The following INSR variants were observed in gnomAD, a reference collection of about 807,000 sequenced individuals.
The protein encoded by INSR is insulin receptor, also known as IR.
A neutral mutation model predicts 142.6 loss-of-function variants in INSR; 67 were observed. The observed-to-expected ratio is 0.47, with a 90% CI of 0.39 to 0.58. The LOEUF (loss-of-function observed/expected upper bound fraction) is 0.58, where lower values mean the gene tolerates loss of function less well. INSR is among the 20% of genes least tolerant of loss of function. INSR has a pLI of 0.00. For synonymous variants in INSR, 756 were observed against 743.1 expected, an observed-to-expected ratio of 1.02 and a Z score of -0.28; for missense variants, 1,248 against 1,833.2, an observed-to-expected ratio of 0.68 and a Z score of 5.83.
intron 2 of INSR, among the ~76,000 whole-genome samples, chr19:7,244,258 C>T (rs936131058): frequency 2.6e-5 from 4 of 152,044 alleles, no homozygotes; most frequent in African/African-American, 9.7e-5. Context: ...ATTGGCTGGG[C>T]GCAGTGGCTC....
intron 2 of INSR, among the ~76,000 whole-genome samples, chr19:7,213,989 CAA>C (rs532464276): frequency 7.1e-6 from 1 of 141,026 alleles, no homozygotes. Flanking sequence ...GACTTTGTCT[CAA>C]AAAAAAAAAG....
intron 2 of INSR, among the ~76,000 whole-genome samples, chr19:7,236,571 C>T (rs1370315510): frequency 6.6e-6 from 1 of 152,148 alleles, no homozygotes; most frequent in Non-Finnish European, 1.5e-5. Flanking sequence ...AGAAAAGATG[C>T]CAGACATTGG....
At chr19:7,204,111 C>T (rs565217173) in intron 2 of INSR, among the ~76,000 whole-genome samples, 1 of 151,784 alleles carries the variant, frequency 6.6e-6, no homozygotes, top group Admixed American at 6.6e-5. Flanking sequence ...TACAGGCTCC[C>T]GGCTCACTGC....
chr19:7,215,526 C>A (rs932417808), intron 2 of INSR, among the ~76,000 whole-genome samples: 1 of 151,018 alleles, frequency 6.6e-6, no homozygotes, highest in African/African-American at 2.4e-5. Flanking sequence ...ACGCCAGCAG[C>A]CCCTGAAAAC....
chr19:7,163,619 A>C (rs1973815533), intron 8 of INSR, among the ~76,000 whole-genome samples: 1 of 151,840 alleles, frequency 6.6e-6, no homozygotes, highest in South Asian at 2.1e-4. Context: ...AACAAAACCC[A>C]AAAAACCCAA....
intron 14 of INSR, among the ~76,000 whole-genome samples, chr19:7,130,667 G>A (rs532005089): frequency 5.9e-5 from 9 of 152,252 alleles, no homozygotes; most frequent in Admixed American, 5.9e-4. Context: ...CTCAGAAGCT[G>A]AGCAGATGCC....
chr19:7,118,312 T>A (rs771838063), intron 21 of INSR, among the ~76,000 whole-genome samples: 1 of 151,704 alleles, frequency 6.6e-6, no homozygotes, highest in Non-Finnish European at 1.5e-5. Context: ...CTGACAAAAT[T>A]TTTGTGTGTC....
intron 2 of INSR, among the ~76,000 whole-genome samples, chr19:7,252,972 G>A (rs919400715): frequency 4.6e-5 from 7 of 152,038 alleles, no homozygotes; most frequent in South Asian, 2.1e-4. Context: ...AAAATTAGCC[G>A]GGCGTGGTGG....
intron 2 of INSR, among the ~76,000 whole-genome samples, chr19:7,198,042 T>G (rs544285415): frequency 6.6e-6 from 1 of 151,234 alleles, no homozygotes; most frequent in South Asian, 2.1e-4. Flanking sequence ...TGGGCGTGTG[T>G]GTGTGTCTGC....
At chr19:7,290,766 A>AAG (rs1968469682) in intron 1 of INSR, among the ~76,000 whole-genome samples, 1 of 94,272 alleles carries the variant, frequency 1.1e-5, no homozygotes, top group African/African-American at 5.5e-5. Flanking sequence ...ACCCTGTCTC[A>AAG]AAAAAAAAAA....
At chr19:7,156,581 C>T (rs1255296100) in intron 9 of INSR, among the ~76,000 whole-genome samples, 2 of 152,022 alleles carry the variant, frequency 1.3e-5, no homozygotes, top group East Asian at 3.9e-4. Flanking sequence ...GGGACAGTCC[C>T]ACCCCAGAGA....
intron 2 of INSR, among the ~76,000 whole-genome samples, chr19:7,249,833 A>G (rs1289860689): frequency 2.0e-5 from 3 of 152,150 alleles, no homozygotes; most frequent in African/African-American, 4.8e-5. Context: ...TCTACTAAAA[A>G]TACAAAAAAT....
chr19:7,122,923 C>T lies in INSR; in HGVS notation c.3325G>A (p.Gly1109Arg). The change falls in exon 18 of 22, where the codon GGA becomes AGA. Residue 1109 changes from glycine (G) to arginine (R), a missense_variant. Transcript: ENST00000302850. ...TLVVMELMAHGDLKSYLRSLR... is the reference protein window; with the variant it reads ...TLVVMELMAHRDLKSYLRSLR... ...GAACGGAGGTAGCTCTTCAGGTCTC[C>T]GTGAGCCATCAGCTCCATCACCACC... The T allele has an allele frequency of 1.2e-6, 2 of 1,608,438 alleles. No individual in the cohort carries two copies. The highest frequency in any genetic ancestry group is 1.7e-6 in the Non-Finnish European group (2 of 1,178,344).
Position 7,267,415 on chromosome 19 carries a change from G to C in INSR, c.582C>G (p.Thr194=). The C allele has an allele frequency of 6.2e-7, 1 of 1,614,124 alleles. No homozygotes were observed. The highest frequency in any genetic ancestry group is 8.5e-7 in the Non-Finnish European group (1 of 1,180,016). ...DICPGTAKGK[T]NCPATVINGQ... ...CGTTGATGACGGTGGCGGGGCAGTT[G>C]GTCTTGCCCTTCGCGGTACCCGGAC... Residue 194 remains threonine, a synonymous_variant, in exon 2 of 22, where the codon ACC becomes ACG. Transcript: ENST00000302850. This position sits in a 1 kb window ranked among gnomAD's most constrained non-coding sequence, Gnocchi z 6.3.
At chr19:7,265,771 G>GA (rs955499666) in intron 2 of INSR, among the ~76,000 whole-genome samples, 16 of 150,720 alleles carry the variant, frequency 1.1e-4, no homozygotes, top group Admixed American at 9.3e-4. Flanking sequence ...AAAATGTAGA[G>GA]AAAAAAAACC....
chr19:7,267,911 G>A lies in INSR; in HGVS notation c.101-15C>T. 3 of 1,610,300 alleles carry A rather than the reference G, an allele frequency of 1.9e-6. No homozygotes were observed. Among genetic ancestry groups the A allele is most frequent in the Non-Finnish European group, 2.5e-6 (3 of 1,177,754 alleles). On this transcript the variant is annotated splice_polypyrimidine_tract_variant and intron_variant, in intron 1 of 21. Coordinates refer to ENST00000302850, the MANE Select transcript of INSR (RefSeq NM_000208.4). The surrounding 1 kb of genome is among the most constrained non-coding windows in gnomAD (Gnocchi z 6.3). ...GCCGGGACACACTACAAGAGAAAAT[G>A]AACAGAAAGCAAGACAGGTGAGCAG...
rs1968277080 is a variant in INSR, at chr19:7,284,029, C to A, written c.100+9763G>T. 2.6e-5 allele frequency among the ~76,000 whole-genome samples: 4 copies of A among 151,938 alleles called. No homozygotes were observed. The South Asian group carries it at 8.3e-4, about 32-fold the overall frequency. On this transcript the variant is annotated intron_variant, in intron 1 of 21. Transcript: ENST00000302850. ...CTGAACAAAGTTTATGTAACACATGCCTTTGTGTGTGTGTGTTGGTTTTGG... is the reference window on the plus strand; with the variant it reads ...CTGAACAAAGTTTATGTAACACATGACTTTGTGTGTGTGTGTTGGTTTTGG...
At chr19:7,140,851 A>G (rs974309128) in intron 13 of INSR, among the ~76,000 whole-genome samples, 4 of 151,704 alleles carry the variant, frequency 2.6e-5, no homozygotes, top group African/African-American at 9.7e-5. Context: ...AATGTGATCA[A>G]TGAGATACTC....
At chr19:7,255,495 C>A in intron 2 of INSR, among the ~76,000 whole-genome samples, 1 of 147,440 alleles carries the variant, frequency 6.8e-6, no homozygotes. Flanking sequence ...TCCCTCTCAC[C>A]CTGTCTTTTC....
Sources: allele counts gnomAD v4.1 joint callset (sites outside exome capture counted in the v4.1 genomes callset), GRCh38; gene constraint gnomAD v4.1.1; non-coding constraint Gnocchi (gnomAD v3.1); transcripts MANE v1.5; gene names NCBI Gene and HGNC (gene_info 2026-07-23, HGNC 2026-07-21).